The following GRM1 variants were observed in gnomAD, a reference collection of about 807,000 sequenced individuals.
The protein encoded by GRM1 is glutamate metabotropic receptor 1, also known as metabotropic glutamate receptor 1.
In GRM1, 33 loss-of-function variants were observed where a neutral mutation model predicts 90.9. The ratio of observed to expected loss-of-function variants is 0.36; its 90% CI spans 0.28 to 0.49. The LOEUF (loss-of-function observed/expected upper bound fraction) is 0.49, where lower values mean the gene tolerates loss of function less well. GRM1 is among the 20% of genes least tolerant of loss of function. The pLI is 0.99. For synonymous variants in GRM1, 700 were observed against 613.2 expected, an observed-to-expected ratio of 1.14 and a Z score of -2.09; for missense variants, 1,190 against 1,534.3, an observed-to-expected ratio of 0.78 and a Z score of 3.75.
At chr6:146,150,936 G>GCACACACA (rs764811450) in intron 1 of GRM1, among the ~76,000 whole-genome samples, 2 of 44,680 alleles carry the variant, frequency 4.5e-5, no homozygotes. Context: ...ACGCGTGTGC[G>GCACACACA]CGCACACACA....
intron 4 of GRM1, among the ~76,000 whole-genome samples, chr6:146,357,299 G>A (rs1166327180): frequency 6.6e-6 from 1 of 152,132 alleles, no homozygotes; most frequent in East Asian, 1.9e-4. Context: ...AAGTACAAGA[G>A]TAATTTAATT....
At chr6:146,217,157 A>G (rs1037382875) in intron 2 of GRM1, among the ~76,000 whole-genome samples, 5 of 152,314 alleles carry the variant, frequency 3.3e-5, no homozygotes, top group African/African-American at 1.2e-4. Context: ...AAAGAGTGCA[A>G]ATGAGCCATA....
At chr6:146,108,692 C>T (rs1442447968) in intron 1 of GRM1, among the ~76,000 whole-genome samples, 1 of 152,114 alleles carries the variant, frequency 6.6e-6, no homozygotes, top group Non-Finnish European at 1.5e-5. Context: ...GGGTAACAGG[C>T]AAAGGTTGGG....
intron 1 of GRM1, among the ~76,000 whole-genome samples, chr6:146,062,343 G>C (rs190314528): frequency 1.0e-4 from 13 of 128,628 alleles, no homozygotes; most frequent in Non-Finnish European, 2.0e-4. Context: ...GGGCCTGTTG[G>C]GGGGTAGGGG....
chr6:146,318,539 A>G (rs964918924), intron 3 of GRM1, among the ~76,000 whole-genome samples: 3 of 152,202 alleles, frequency 2.0e-5, no homozygotes, highest in Non-Finnish European at 2.9e-5. Flanking sequence ...TTGCTGGGTC[A>G]AATGGTATTT....
At chr6:146,092,348 G>A (rs945040505) in intron 1 of GRM1, among the ~76,000 whole-genome samples, 5 of 151,980 alleles carry the variant, frequency 3.3e-5, no homozygotes, top group Non-Finnish European at 5.9e-5. Flanking sequence ...ATGATTTTTG[G>A]GAGAATACAA....
At chr6:146,267,641 C>CTGG (rs1781945491) in intron 2 of GRM1, among the ~76,000 whole-genome samples, 1 of 54,746 alleles carries the variant, frequency 1.8e-5, no homozygotes, top group African/African-American at 1.2e-4. Context: ...GGCTGGGCTG[C>CTGG]GCTGGGCTGG....
At chr6:146,256,825 T>C (rs1045530510) in intron 2 of GRM1, among the ~76,000 whole-genome samples, 1 of 152,148 alleles carries the variant, frequency 6.6e-6, no homozygotes, top group Non-Finnish European at 1.5e-5. Context: ...CACGAAATTG[T>C]TTCCTTTACA....
At chr6:146,090,929 GA>G (rs953130863) in intron 1 of GRM1, among the ~76,000 whole-genome samples, 4 of 151,402 alleles carry the variant, frequency 2.6e-5, no homozygotes, top group Admixed American at 1.3e-4. Context: ...CTGAGTTTGG[GA>G]AAAAAAACCA....
At chr6:146,192,081 T>C (rs1778951607) in intron 2 of GRM1, among the ~76,000 whole-genome samples, 1 of 152,166 alleles carries the variant, frequency 6.6e-6, no homozygotes. Flanking sequence ...TGCTTAACTT[T>C]CAGTGTAAAC....
intron 5 of GRM1, among the ~76,000 whole-genome samples, chr6:146,372,865 C>G (rs903111514): frequency 6.6e-6 from 1 of 151,986 alleles, no homozygotes; most frequent in African/African-American, 2.4e-5. Context: ...TATTATAGCT[C>G]TGTAGTATAA....
In GRM1 at chr6:146,037,895, C is replaced by T. The variant is rs546152905; in HGVS notation, c.700+7678C>T. Among the ~76,000 whole-genome samples, 4 of 152,112 alleles carry T rather than the reference C, an allele frequency of 2.6e-5. No individual in the cohort carries two copies. The South Asian group carries it at 8.3e-4, about 32-fold the overall frequency. On this transcript the variant is annotated intron_variant, in intron 1 of 7. Transcript: ENST00000282753. ...TTCTTTTGCTCCCACCTCACCTGCT[C>T]TCCACATTTCTCTGGAAGGTCTGAA...
At chr6:146,244,650 A>C (rs1015121619) in intron 2 of GRM1, among the ~76,000 whole-genome samples, 1 of 152,228 alleles carries the variant, frequency 6.6e-6, no homozygotes, top group African/African-American at 2.4e-5. Context: ...ACCAGTACTG[A>C]TAAATTCTTA....
intron 3 of GRM1, among the ~76,000 whole-genome samples, chr6:146,313,939 A>C (rs186598348): frequency 1.3e-5 from 2 of 151,990 alleles, no homozygotes; most frequent in Non-Finnish European, 2.9e-5. Flanking sequence ...CTTTAATATA[A>C]ATTGAATTTT....
chr6:146,310,804 C>G (rs1451897621), intron 3 of GRM1, among the ~76,000 whole-genome samples: 3 of 152,168 alleles, frequency 2.0e-5, no homozygotes, highest in Non-Finnish European at 4.4e-5. Context: ...CCTAGATCAG[C>G]CAGTCCCTGG....
intron 1 of GRM1, among the ~76,000 whole-genome samples, chr6:146,130,265 CTTCT>C (rs1358636829): frequency 1.8e-4 from 25 of 137,938 alleles, no homozygotes; most frequent in African/African-American, 5.5e-4. Context: ...TCCTTCCTTC[CTTCT>C]TTCTTTCTTT....
chr6:146,200,546 G>A (rs1293486485), intron 2 of GRM1, among the ~76,000 whole-genome samples: 1 of 152,128 alleles, frequency 6.6e-6, no homozygotes, highest in Non-Finnish European at 1.5e-5. Flanking sequence ...GCAGGAGCAT[G>A]CATATATTCT....
intron 1 of GRM1, among the ~76,000 whole-genome samples, chr6:146,099,577 C>T (rs574072096): frequency 6.6e-6 from 1 of 152,258 alleles, no homozygotes; most frequent in South Asian, 2.1e-4. Context: ...TTAATGTCTT[C>T]TCTTATCTTT....
intron 3 of GRM1, among the ~76,000 whole-genome samples, chr6:146,327,218 C>CTG (rs895384159): frequency 6.6e-6 from 1 of 152,086 alleles, no homozygotes; most frequent in African/African-American, 2.4e-5. Context: ...ATCATATCAC[C>CTG]ATAGGTCTCT....
Sources: allele counts gnomAD v4.1 joint callset (sites outside exome capture counted in the v4.1 genomes callset), GRCh38; gene constraint gnomAD v4.1.1; transcripts MANE v1.5; gene names NCBI Gene and HGNC (gene_info 2026-07-23, HGNC 2026-07-21).